The following BNIP2 variants were observed in gnomAD, a reference collection of about 807,000 sequenced individuals.
BNIP2 encodes BCL2/adenovirus E1B 19 kDa protein-interacting protein 2.
BNIP2 carries 36 observed loss-of-function variants against 43.4 expected under a neutral mutation model. The ratio of observed to expected loss-of-function variants is 0.83; its 90% CI spans 0.64 to 1.10. BNIP2 has a LOEUF of 1.10. BNIP2 is among the 50% of genes least tolerant of loss of function. BNIP2 has a pLI of 0.00. For missense variants in BNIP2, 417 were observed against 374.1 expected, an observed-to-expected ratio of 1.11 and a Z score of -0.95; for synonymous variants, 146 against 121.0, an observed-to-expected ratio of 1.21 and a Z score of -1.35.
chr15:59,662,813 GATCA>G lies in BNIP2; in HGVS notation c.*1252_*1255del, dbSNP rs1289417366. ...CTTTCAAGTATATGACACAATATCA[GATCA>G]ATCTGTTGTTTTAGAAATAATTTTG... On this transcript the variant is annotated 3_prime_UTR_variant, in exon 10 of 10. Transcript: ENST00000607373. The G allele has an allele frequency of 2.0e-5, 3 of 152,174 alleles. No individual in the cohort carries two copies. Among genetic ancestry groups the G allele is most frequent in the Non-Finnish European group, 4.4e-5 (3 of 68,038 alleles). 9.4% of individuals were successfully genotyped at this position (152,174 alleles called of 1,614,324 possible).
At chr15:59,668,599 A>G (rs6151567) in intron 9 of BNIP2, among the ~76,000 whole-genome samples, 11,111 of 152,286 alleles carry the variant, frequency 0.073, 696 homozygotes, top group East Asian at 0.25. Context: ...GTACTGATCA[A>G]TTAGAGAAAT....
In BNIP2 at chr15:59,663,311, T is replaced by C. The variant is rs1351479000; in HGVS notation, c.*758A>G. The stretch of plus-strand genomic sequence containing the variant: ...TTGGGCCAGAAGATAAAATGTCCCA[T>C]ATATACATATATACAAACCCTAATT... On this transcript the variant is annotated 3_prime_UTR_variant, in exon 10 of 10. Transcript: ENST00000607373. The C allele has an allele frequency of 1.3e-5, 2 of 152,292 alleles. No individual in the cohort carries two copies. The highest frequency in any genetic ancestry group is 2.9e-5 in the Non-Finnish European group (2 of 68,034). The allele number at this position is 152,292 out of a possible 1,614,324, so 9.4% of individuals were successfully genotyped here.
At chr15:59,672,511 A>C in intron 6 of BNIP2, 126 bp downstream of exon 6, 1 of 642,558 alleles carries the variant, frequency 1.6e-6, no homozygotes, top group East Asian at 2.9e-5. Context: ...GACTCAAGTG[A>C]TCTGCCCACT....
rs1274145370 is a variant in BNIP2, at chr15:59,659,563, G to C, written c.*4506C>G. The C allele has an allele frequency of 6.6e-6, 1 of 152,120 alleles. No individual in the cohort carries two copies. The highest frequency in any genetic ancestry group is 1.5e-5 in the Non-Finnish European group (1 of 68,024). 9.4% of individuals were successfully genotyped at this position (152,120 alleles called of 1,614,324 possible). ...AACATCATCAATATTTACTAGCTAG[G>C]TTTACACAAATAAACAAGCAACTGT... On this transcript the variant is annotated 3_prime_UTR_variant, in exon 10 of 10. Transcript: ENST00000607373.
In BNIP2 at chr15:59,681,724, G is replaced by A. The variant is rs967027659; in HGVS notation, c.50+684C>T. ...GGCCTCCCAAAGTGCTGGGGTTACAGGCGTGAGCCACCGCACCTGGCCACA... is the reference window on the plus strand; with the variant it reads ...GGCCTCCCAAAGTGCTGGGGTTACAAGCGTGAGCCACCGCACCTGGCCACA... On this transcript the variant is annotated intron_variant, in intron 2 of 9. Transcript: ENST00000607373. 5.9e-5 allele frequency among the ~76,000 whole-genome samples: 9 copies of A among 152,174 alleles called. No homozygotes were observed. In the East Asian group the frequency reaches 1.6e-3, roughly 26 times the overall value.
intron 3 of BNIP2, 47 bp downstream of exon 3, chr15:59,680,194 T>C (rs1318671039): frequency 7.6e-7 from 1 of 1,317,312 alleles, no homozygotes; most frequent in Non-Finnish European, 1.0e-6. Flanking sequence ...TTTTAAAAAA[T>C]AACACAAAGT....
At chr15:59,668,161 A>G (rs1475470732) in intron 9 of BNIP2, 2 of 1,200,470 alleles carry the variant, frequency 1.7e-6, no homozygotes, top group East Asian at 5.7e-5. Flanking sequence ...GAGTTATTTC[A>G]GTAAATATAC....
intron 6 of BNIP2, 65 bp from the exon 7 acceptor site, chr15:59,671,379 A>C: frequency 7.0e-7 from 1 of 1,418,764 alleles, no homozygotes; most frequent in Non-Finnish European, 9.5e-7. Context: ...AGGTTCTCTA[A>C]ATTGTACCAT....
intron 7 of BNIP2, among the ~76,000 whole-genome samples, chr15:59,669,812 C>T (rs1355351128): frequency 6.6e-6 from 1 of 152,166 alleles, no homozygotes; most frequent in Admixed American, 6.5e-5. Flanking sequence ...GATCTAACTC[C>T]TATTCTTAAG....
Position 59,678,036 on chromosome 15 carries a change from G to A in BNIP2, c.347C>T (p.Thr116Ile). ...TTTTTCCTCTGCTGCTGTGTATTCA[G>A]TAATTGAGCCTTTCCTAATTACTTC... is the stretch of plus-strand genomic sequence containing the variant. ...TTEVIRKGSI[T>I]EYTAAEEKED... The change falls in exon 5 of 10, where the codon ACT becomes ATT. Residue 116 changes from threonine (T) to isoleucine (I), a missense_variant. Transcript: ENST00000607373. 6.2e-7 allele frequency: 1 copy of A among 1,613,820 alleles called. No homozygotes were observed. Among genetic ancestry groups the A allele is most frequent in the Non-Finnish European group, 8.5e-7 (1 of 1,179,848 alleles).
At chr15:59,679,494 T>G (rs577933598) in intron 4 of BNIP2, 98 bp downstream of exon 4, 1 of 1,312,672 alleles carries the variant, frequency 7.6e-7, no homozygotes, top group Non-Finnish European at 1.0e-6. Context: ...TTTCCTATCT[T>G]AGTAACAAAT....
rs1379396496 is a variant in BNIP2, at chr15:59,659,502, A to C, written c.*4567T>G. The C allele has an allele frequency of 6.6e-6, 1 of 152,234 alleles. No individual in the cohort carries two copies. The highest frequency in any genetic ancestry group is 1.5e-5 in the Non-Finnish European group (1 of 68,036). 9.4% of individuals were successfully genotyped at this position (152,234 alleles called of 1,614,324 possible). On this transcript the variant is annotated 3_prime_UTR_variant, in exon 10 of 10. Transcript: ENST00000607373. ...AAACTCTGAATTGTGTTCTGTGTGA[A>C]TAGTGCTCCAAGGGCTGTGCAAGTC...
chr15:59,671,037 C>T (rs1374204396), intron 7 of BNIP2, 146 bp downstream of exon 7: 25 of 680,230 alleles, frequency 3.7e-5, no homozygotes, highest in Non-Finnish European at 5.1e-5. Context: ...TGTGCCATTG[C>T]ACTCCAGCCT....
intron 1 of BNIP2, among the ~76,000 whole-genome samples, chr15:59,685,981 C>CT (rs751668184): frequency 1.3e-5 from 2 of 152,068 alleles, no homozygotes; most frequent in Non-Finnish European, 2.9e-5. Flanking sequence ...GGAAATAACA[C>CT]TTTAAGATGA....
chr15:59,677,328 G>C (rs1893368685), intron 5 of BNIP2: 17 of 1,562,038 alleles, frequency 1.1e-5, no homozygotes, highest in Middle Eastern at 2.3e-4. Flanking sequence ...ATGAGCCCCA[G>C]CGTTCAGAAG....
intron 1 of BNIP2, chr15:59,688,860 T>A: frequency 1.5e-6 from 2 of 1,355,700 alleles, no homozygotes; most frequent in South Asian, 1.3e-5. Flanking sequence ...CAAGGTTCCA[T>A]CCCGAGCACA....
At chr15:59,689,054 G>C in intron 1 of BNIP2, 81 bp downstream of exon 1, 2 of 1,464,856 alleles carry the variant, frequency 1.4e-6, no homozygotes, top group Non-Finnish European at 1.8e-6. Flanking sequence ...GTGGGCACGC[G>C]CCCGACAGAC....
intron 5 of BNIP2, among the ~76,000 whole-genome samples, chr15:59,675,202 T>C (rs1256167822): frequency 2.7e-5 from 4 of 148,834 alleles, no homozygotes; most frequent in East Asian, 2.0e-4. Flanking sequence ...TGAGCCGAGA[T>C]TGCGCCACTG....
chr15:59,678,314 C>G (rs1303172405), intron 4 of BNIP2: 6 of 1,271,756 alleles, frequency 4.7e-6, no homozygotes, highest in Non-Finnish European at 6.0e-6. Flanking sequence ...TTAGCAAAAA[C>G]CACCTAATCA....
Sources: gnomAD v4.1 joint callset for allele counts (sites outside exome capture counted in the v4.1 genomes callset) on GRCh38, gnomAD v4.1.1 for gene constraint, MANE v1.5 for transcripts, NCBI Gene and HGNC (gene_info 2026-07-23, HGNC 2026-07-21) for gene names.